Variants in LARP4B observed in about 807,000 individuals in gnomAD.
LARP4B encodes the protein la-related protein 4B.
In LARP4B, 12 loss-of-function variants were observed where a neutral mutation model predicts 89.8. The observed-to-expected ratio is 0.13, with a 90% CI of 0.09 to 0.22. The LOEUF (loss-of-function observed/expected upper bound fraction) is 0.22, where lower values mean the gene tolerates loss of function less well. Among genes scored for constraint, LARP4B ranks in the 10% least tolerant of loss-of-function variants. The pLI, the probability that LARP4B is intolerant of heterozygous loss-of-function variation, is 1.00. For missense variants in LARP4B, 757 were observed against 947.7 expected, an observed-to-expected ratio of 0.80 and a Z score of 2.64; for synonymous variants, 367 against 363.3, an observed-to-expected ratio of 1.01 and a Z score of -0.12.
intron 8 of LARP4B, among the ~76,000 whole-genome samples, chr10:835,606 G>A (rs1833171381): frequency 6.6e-6 from 1 of 152,186 alleles, no homozygotes; most frequent in South Asian, 2.1e-4. Context: ...TTAGGCATCT[G>A]GACAAACAGT....
intron 11 of LARP4B, among the ~76,000 whole-genome samples, chr10:826,146 C>T (rs12761180): frequency 0.11 from 17,328 of 152,246 alleles, 1,216 homozygotes; most frequent in Non-Finnish European, 0.16. Flanking sequence ...TGGTCAAGAG[C>T]GCATGGGCTC....
intron 5 of LARP4B, among the ~76,000 whole-genome samples, chr10:851,502 G>C (rs1396576603): frequency 2.6e-5 from 4 of 151,976 alleles, no homozygotes; most frequent in African/African-American, 9.7e-5. Flanking sequence ...CTTTTGATAA[G>C]GTCAATAAAA....
At chr10:910,667 C>T (rs924651859) in intron 1 of LARP4B, among the ~76,000 whole-genome samples, 1 of 152,164 alleles carries the variant, frequency 6.6e-6, no homozygotes, top group African/African-American at 2.4e-5. Flanking sequence ...TGCCTCAGGG[C>T]CAGGATTTTG....
chr10:843,319 A>G (rs1833618387), intron 6 of LARP4B, among the ~76,000 whole-genome samples: 1 of 152,230 alleles, frequency 6.6e-6, no homozygotes, highest in Non-Finnish European at 1.5e-5. Context: ...ATTTATGAGA[A>G]GATGGTTATT....
intron 14 of LARP4B, chr10:819,400 A>C (rs1435510770): frequency 6.6e-6 from 1 of 152,206 alleles, no homozygotes; most frequent in Non-Finnish European, 1.5e-5. Flanking sequence ...CCTCTGGGTG[A>C]GGTCTGAGTA....
the LARP4B span, among the ~76,000 whole-genome samples, chr10:965,513 A>G: frequency 6.6e-6 from 1 of 152,156 alleles, no homozygotes; most frequent in Admixed American, 6.6e-5. Context: ...AGACACCAAG[A>G]ACGCAGCAGA....
At chr10:876,475 C>T (rs777070786) in intron 3 of LARP4B, among the ~76,000 whole-genome samples, 39 of 152,222 alleles carry the variant, frequency 2.6e-4, no homozygotes, top group Non-Finnish European at 5.0e-4. Flanking sequence ...CCCAACAGGG[C>T]AGACAATATT....
chr10:863,848 C>G lies in LARP4B; in HGVS notation c.325G>C (p.Glu109Gln). 6.2e-7 allele frequency: 1 copy of G among 1,614,100 alleles called. No individual in the cohort carries two copies. The highest frequency in any genetic ancestry group is 2.2e-5 in the East Asian group (1 of 44,882). Residue 109 changes from glutamate to glutamine, a missense_variant, in exon 5 of 18, where the codon GAG becomes CAG. This residue lies in a region of LARP4B where 175 missense variants were observed against 187.0 expected (regional missense o/e 0.94). Transcript: ENST00000316157. ...DANGDGDQGH[E>Q]NAALPDPQES... The stretch of plus-strand genomic sequence containing the variant: ...TGCGGGTCTGGCAATGCGGCATTCT[C>G]ATGGCCCTGGTCACCATCACCATTG...
intron 5 of LARP4B, among the ~76,000 whole-genome samples, chr10:845,481 A>G (rs1833731039): frequency 6.6e-6 from 1 of 152,256 alleles, no homozygotes; most frequent in African/African-American, 2.4e-5. Flanking sequence ...TGGAGATCAA[A>G]CAGGCTCTAG....
the LARP4B span, among the ~76,000 whole-genome samples, chr10:969,402 T>C: frequency 6.6e-6 from 1 of 151,968 alleles, no homozygotes; most frequent in African/African-American, 2.4e-5. Context: ...AAGAATGTAG[T>C]GGTAGGGTAG....
At chr10:962,449 C>T in the LARP4B span, among the ~76,000 whole-genome samples, 1 of 152,044 alleles carries the variant, frequency 6.6e-6, no homozygotes, top group Admixed American at 6.6e-5. Flanking sequence ...TTTGGGGACA[C>T]ACAACTCAGT....
At chr10:940,073 A>G in the LARP4B span, among the ~76,000 whole-genome samples, 1 of 138,344 alleles carries the variant, frequency 7.2e-6, no homozygotes, top group African/African-American at 2.8e-5. Flanking sequence ...GCTGGAGTGC[A>G]ATGGTGCGAT....
chr10:959,953 TCAATCCCACCTCCTC>T, the LARP4B span, among the ~76,000 whole-genome samples: 2 of 151,750 alleles, frequency 1.3e-5, no homozygotes, highest in Admixed American at 6.6e-5. Context: ...CACCTCCTCG[TCAATCCCACCTCCTC>T]GTGTCCCCTC....
At chr10:939,509 C>T in the LARP4B span, among the ~76,000 whole-genome samples, 1 of 152,208 alleles carries the variant, frequency 6.6e-6, no homozygotes, top group Non-Finnish European at 1.5e-5. Context: ...AAACTAACAC[C>T]ACTCTGGCCT....
chr10:843,086 T>A lies in LARP4B; in HGVS notation c.510-18A>T. Reference sequence around the variant, plus strand: ...GGTTCTCCCTGTTGAAAGAAAACAATCTCTTTTAATCAGTATTTCTTTAAA... The same window carrying A: ...GGTTCTCCCTGTTGAAAGAAAACAAACTCTTTTAATCAGTATTTCTTTAAA... On this transcript the variant is annotated intron_variant, in intron 6 of 17. Transcript: ENST00000316157. The A allele has an allele frequency of 6.2e-7, 1 of 1,607,994 alleles. No individual in the cohort carries two copies. Among genetic ancestry groups the A allele is most frequent in the Non-Finnish European group, 8.5e-7 (1 of 1,176,116 alleles).
intron 3 of LARP4B, among the ~76,000 whole-genome samples, chr10:868,378 T>TAAAAAAA (rs35215345): frequency 8.1e-6 from 1 of 123,460 alleles, no homozygotes. Flanking sequence ...AAGATTTGCT[T>TAAAAAAA]AAAAAAAAAA....
At chr10:870,712 C>T (rs553884432) in intron 3 of LARP4B, among the ~76,000 whole-genome samples, 30 of 152,182 alleles carry the variant, frequency 2.0e-4, no homozygotes, top group Non-Finnish European at 2.1e-4. Context: ...GTCTCTCTTC[C>T]TCTTCTTTAC....
chr10:931,128 C>A (rs963364531), intron 1 of LARP4B, among the ~76,000 whole-genome samples: 3 of 150,710 alleles, frequency 2.0e-5, no homozygotes, highest in Non-Finnish European at 4.4e-5. Context: ...TTCCCCTGCC[C>A]CGGCCTCGGC....
At chr10:979,762 G>C in the LARP4B span, among the ~76,000 whole-genome samples, 1 of 152,142 alleles carries the variant, frequency 6.6e-6, no homozygotes, top group Non-Finnish European at 1.5e-5. Flanking sequence ...ACGAGGTCAG[G>C]AGATAGAGAC....
Sources: allele counts gnomAD v4.1 joint callset (sites outside exome capture counted in the v4.1 genomes callset), GRCh38; gene constraint gnomAD v4.1.1; regional missense constraint gnomAD v4.1.1; transcripts MANE v1.5; gene names NCBI Gene and HGNC (gene_info 2026-07-23, HGNC 2026-07-21).